Variants in NYAP2 observed in about 807,000 individuals in gnomAD.
NYAP2 encodes the protein neuronal tyrosine-phosphorylated phosphoinositide-3-kinase adapter 2.
In NYAP2, 23 loss-of-function variants were observed where a neutral mutation model predicts 50.4. The observed-to-expected ratio is 0.46, with a 90% CI of 0.33 to 0.65. The LOEUF is 0.65. Among genes scored for constraint, NYAP2 ranks in the 30% least tolerant of loss-of-function variants. The pLI, the probability that NYAP2 is intolerant of heterozygous loss-of-function variation, is 0.02. For missense variants in NYAP2, 885 were observed against 861.0 expected, an observed-to-expected ratio of 1.03 and a Z score of -0.35; for synonymous variants, 394 against 365.2, an observed-to-expected ratio of 1.08 and a Z score of -0.90.
chr2:225,673,001 C>T, the NYAP2 span, among the ~76,000 whole-genome samples: 1 of 151,450 alleles, frequency 6.6e-6, no homozygotes, highest in African/African-American at 2.4e-5. Context: ...TAAAAACATA[C>T]CTGAGACTGG....
In NYAP2 at chr2:225,647,424, G is replaced by A. The variant is rs138721410; in HGVS notation, c.1829-4008G>A. 9.9e-5 allele frequency among the ~76,000 whole-genome samples: 15 copies of A among 152,282 alleles called. No individual in the cohort carries two copies. The East Asian group carries it at 2.9e-3, about 29-fold the overall frequency. ...AAACAGCCTCAGAGAGAATCCAGTGGTATTTTCAAGAATGGGTGGGCAGAC... is the reference window on the plus strand; with the variant it reads ...AAACAGCCTCAGAGAGAATCCAGTGATATTTTCAAGAATGGGTGGGCAGAC... On this transcript the variant is annotated intron_variant, in intron 6 of 6. Coordinates refer to ENST00000636099, the Ensembl canonical transcript of NYAP2.
chr2:225,688,688 T>A, the NYAP2 span, among the ~76,000 whole-genome samples: 1 of 152,334 alleles, frequency 6.6e-6, no homozygotes, highest in South Asian at 2.1e-4. Context: ...CCACATCATC[T>A]TATCCATTTT....
chr2:225,591,936 C>T (rs1362674558), intron 5 of NYAP2, among the ~76,000 whole-genome samples: 1 of 152,116 alleles, frequency 6.6e-6, no homozygotes, highest in African/African-American at 2.4e-5. Context: ...CCCTTCAAAA[C>T]TCACTTTGGA....
intron 3 of NYAP2, among the ~76,000 whole-genome samples, chr2:225,418,504 A>G (rs1695161245): frequency 6.6e-6 from 1 of 152,164 alleles, no homozygotes; most frequent in South Asian, 2.1e-4. Flanking sequence ...CTGGAATCGT[A>G]GTTACACTCT....
chr2:225,601,534 T>G (rs1692691201), intron 5 of NYAP2, among the ~76,000 whole-genome samples: 1 of 152,230 alleles, frequency 6.6e-6, no homozygotes, highest in Non-Finnish European at 1.5e-5. Flanking sequence ...CTAATTTTTC[T>G]ACATCCTTGC....
intron 4 of NYAP2, among the ~76,000 whole-genome samples, chr2:225,569,950 T>G (rs1259524085): frequency 6.6e-6 from 1 of 152,062 alleles, no homozygotes; most frequent in Non-Finnish European, 1.5e-5. Context: ...ACTAGACTTG[T>G]GTAAAGGATG....
At chr2:225,690,420 T>C in the NYAP2 span, among the ~76,000 whole-genome samples, 1 of 152,116 alleles carries the variant, frequency 6.6e-6, no homozygotes, top group Non-Finnish European at 1.5e-5. Context: ...TATTGAGGGC[T>C]ATGTTGTTGT....
upstream of NYAP2, among the ~76,000 whole-genome samples, chr2:225,398,749 G>A (rs1156993263): frequency 6.6e-6 from 1 of 151,990 alleles, no homozygotes; most frequent in Non-Finnish European, 1.5e-5. Flanking sequence ...TAATCTTGCA[G>A]AATCCTTCTT....
chr2:225,671,366 C>T, the NYAP2 span, among the ~76,000 whole-genome samples: 1 of 152,148 alleles, frequency 6.6e-6, no homozygotes, highest in Non-Finnish European at 1.5e-5. Flanking sequence ...TGCATTTCAT[C>T]TCAAGAAACC....
intron 4 of NYAP2, among the ~76,000 whole-genome samples, chr2:225,542,550 CT>C (rs1161461904): frequency 6.6e-6 from 1 of 152,050 alleles, no homozygotes; most frequent in Non-Finnish European, 1.5e-5. Flanking sequence ...ATCCTCCATT[CT>C]TTTGATATGA....
chr2:225,454,160 C>T (rs994029787), intron 3 of NYAP2, among the ~76,000 whole-genome samples: 1 of 151,712 alleles, frequency 6.6e-6, no homozygotes, highest in Non-Finnish European at 1.5e-5. Flanking sequence ...CCTATCTGCA[C>T]ACAAAAAATT....
intron 4 of NYAP2, among the ~76,000 whole-genome samples, chr2:225,563,371 A>G (rs915397119): frequency 1.3e-5 from 2 of 152,160 alleles, no homozygotes; most frequent in Non-Finnish European, 1.5e-5. Context: ...TGTAGGAAGC[A>G]TTTGACAAAA....
At chr2:225,435,984 T>C (rs368865110) in intron 3 of NYAP2, among the ~76,000 whole-genome samples, 1 of 152,200 alleles carries the variant, frequency 6.6e-6, no homozygotes, top group East Asian at 1.9e-4. Context: ...GCAAGAACTA[T>C]GTCAGATATT....
chr2:225,580,862 T>C (rs891419996), intron 4 of NYAP2, among the ~76,000 whole-genome samples: 1 of 152,210 alleles, frequency 6.6e-6, no homozygotes, highest in African/African-American at 2.4e-5. Flanking sequence ...AACTCTAAGT[T>C]GTACTGTCAA....
intron 4 of NYAP2, among the ~76,000 whole-genome samples, chr2:225,517,458 T>A (rs1690956354): frequency 6.6e-6 from 1 of 152,190 alleles, no homozygotes; most frequent in Non-Finnish European, 1.5e-5. Flanking sequence ...TTAGAAATGC[T>A]GTCTAGTTTA....
chr2:225,513,820 G>A (rs770837547), intron 4 of NYAP2, 148 bp downstream of exon 4: 2 of 527,004 alleles, frequency 3.8e-6, no homozygotes, highest in Non-Finnish European at 6.1e-6. Flanking sequence ...TGAGGGGAAG[G>A]TTATTTATTG....
At chr2:225,547,861 G>C (rs966672870) in intron 4 of NYAP2, among the ~76,000 whole-genome samples, 1 of 152,082 alleles carries the variant, frequency 6.6e-6, no homozygotes, top group African/African-American at 2.4e-5. Context: ...GTGGGGTTGG[G>C]GTGGTGATGA....
intron 4 of NYAP2, among the ~76,000 whole-genome samples, chr2:225,539,468 T>G (rs911311882): frequency 3.9e-5 from 6 of 152,250 alleles, no homozygotes; most frequent in Non-Finnish European, 8.8e-5. Context: ...ATTAACAATG[T>G]AAAACCATTC....
chr2:225,485,781 C>A (rs944449659), intron 3 of NYAP2, among the ~76,000 whole-genome samples: 2 of 152,152 alleles, frequency 1.3e-5, no homozygotes, highest in Non-Finnish European at 2.9e-5. Flanking sequence ...AGGAGAGAAG[C>A]ATGCCATTAC....
Sources: allele counts gnomAD v4.1 joint callset (sites outside exome capture counted in the v4.1 genomes callset), GRCh38; gene constraint gnomAD v4.1.1; transcripts MANE v1.5; gene names NCBI Gene and HGNC (gene_info 2026-07-23, HGNC 2026-07-21).